The following RFX3 variants were observed in gnomAD, a reference collection of about 807,000 sequenced individuals.
RFX3 encodes the protein regulatory factor X3, also known as transcription factor RFX3.
Under a neutral mutation model 98.6 loss-of-function variants are expected in RFX3, and 14 were observed. That is an observed-to-expected ratio of 0.14 (90% CI 0.09 to 0.22). The LOEUF (loss-of-function observed/expected upper bound fraction) is 0.22, where lower values mean the gene tolerates loss of function less well. Ranked by LOEUF, RFX3 falls within the 10% of genes least tolerant of loss-of-function variation. The pLI is 1.00. For synonymous variants in RFX3, 383 were observed against 328.4 expected (o/e 1.17, Z -1.80); for missense variants, 639 against 926.9 (o/e 0.69, Z 4.03).
At chr9:3,394,377 G>A (rs377158251) in intron 2 of RFX3, among the ~76,000 whole-genome samples, 13 of 152,192 alleles carry the variant, frequency 8.5e-5, no homozygotes, top group African/African-American at 2.9e-4. Context: ...GCAGGAGAAT[G>A]GTGTGAACCC....
At chr9:3,261,595 G>C (rs900178015) in intron 13 of RFX3, among the ~76,000 whole-genome samples, 1 of 152,096 alleles carries the variant, frequency 6.6e-6, no homozygotes, top group African/African-American at 2.4e-5. Flanking sequence ...AATATAAATA[G>C]TGCTGTTATG....
At chr9:3,449,671 G>A (rs969896142) in intron 1 of RFX3, among the ~76,000 whole-genome samples, 3 of 152,092 alleles carry the variant, frequency 2.0e-5, no homozygotes, top group Non-Finnish European at 4.4e-5. Flanking sequence ...GGGCAACATG[G>A]CAAGACCTTG....
chr9:3,413,399 A>T (rs987561152), intron 1 of RFX3, among the ~76,000 whole-genome samples: 8 of 152,014 alleles, frequency 5.3e-5, no homozygotes, highest in African/African-American at 1.9e-4. Context: ...TTCATATGGG[A>T]GTTTAATATT....
chr9:3,453,050 C>A (rs1247668899), intron 1 of RFX3, among the ~76,000 whole-genome samples: 1 of 152,090 alleles, frequency 6.6e-6, no homozygotes, highest in East Asian at 1.9e-4. Context: ...TCTTCATCTG[C>A]AAAACTGGAA....
chr9:3,327,234 A>G (rs1832024103), intron 4 of RFX3, among the ~76,000 whole-genome samples: 1 of 152,100 alleles, frequency 6.6e-6, no homozygotes, highest in Admixed American at 6.6e-5. Flanking sequence ...AGTGAAAACA[A>G]TCAAAAATCT....
intron 1 of RFX3, among the ~76,000 whole-genome samples, chr9:3,410,008 C>T (rs1295040190): frequency 6.6e-6 from 1 of 152,116 alleles, no homozygotes; most frequent in African/African-American, 2.4e-5. Flanking sequence ...CTGACAGACG[C>T]GCAAAGTGCT....
chr9:3,289,901 G>C lies in RFX3; in HGVS notation c.732-1651C>G, dbSNP rs960820261. Among the ~76,000 whole-genome samples, 5 of 152,120 alleles carry C rather than the reference G, an allele frequency of 3.3e-5. No homozygotes were observed. The South Asian group carries it at 6.2e-4, about 19-fold the overall frequency. On this transcript the variant is annotated intron_variant, in intron 6 of 16. Transcript: ENST00000617270. ...AGTGGTTTCACCAGATTATTTTATT[G>C]ATAGATAATATTAATAATAGTTCTA... is the stretch of plus-strand genomic sequence containing the variant.
intron 14 of RFX3, among the ~76,000 whole-genome samples, chr9:3,253,322 G>A (rs2131047678): frequency 6.6e-6 from 1 of 152,282 alleles, no homozygotes; most frequent in Middle Eastern, 3.4e-3. Context: ...ATTCAAAAAA[G>A]AGTATTACTT....
At chr9:3,391,973 A>G (rs1006864636) in intron 2 of RFX3, among the ~76,000 whole-genome samples, 3 of 152,044 alleles carry the variant, frequency 2.0e-5, no homozygotes, top group Non-Finnish European at 4.4e-5. Context: ...TAAATACCCA[A>G]CTCTTTCCCC....
chr9:3,270,720 T>C (rs1824312076), intron 10 of RFX3, 195 bp from the exon 11 acceptor site: 5 of 669,250 alleles, frequency 7.5e-6, no homozygotes, highest in African/African-American at 5.5e-5. Flanking sequence ...GAGCTGTCTA[T>C]GCACATTTGT....
At chr9:3,284,778 C>T (rs1182818682) in intron 7 of RFX3, among the ~76,000 whole-genome samples, 2 of 151,720 alleles carry the variant, frequency 1.3e-5, no homozygotes, top group Non-Finnish European at 3.0e-5. Context: ...CTCTAATCTC[C>T]TTTATTTTAG....
At chr9:3,420,724 A>C in intron 1 of RFX3, 1 of 922,950 alleles carries the variant, frequency 1.1e-6, no homozygotes, top group Non-Finnish European at 1.3e-6. Context: ...TATTTCTATA[A>C]ACCCCTGTAT....
intron 1 of RFX3, chr9:3,420,947 G>C: frequency 1.0e-6 from 1 of 982,410 alleles, no homozygotes; most frequent in Non-Finnish European, 1.2e-6. Flanking sequence ...AAGTTCTGTG[G>C]CTACAACAGA....
chr9:3,343,659 A>G (rs1417213716), intron 3 of RFX3, among the ~76,000 whole-genome samples: 1 of 152,214 alleles, frequency 6.6e-6, no homozygotes, highest in Non-Finnish European at 1.5e-5. Context: ...TCATGGCAAC[A>G]CAATGACATT....
At chr9:3,243,169 G>A (rs1820188358) in intron 15 of RFX3, among the ~76,000 whole-genome samples, 1 of 151,710 alleles carries the variant, frequency 6.6e-6, no homozygotes, top group South Asian at 2.1e-4. Flanking sequence ...TTATTTAACA[G>A]GTATGTAAAC....
chr9:3,249,081 G>C (rs988248342), intron 14 of RFX3, among the ~76,000 whole-genome samples: 26 of 151,886 alleles, frequency 1.7e-4, no homozygotes, highest in Non-Finnish European at 2.9e-5. Flanking sequence ...TTCATTTACT[G>C]ACCTTTTTCT....
At chr9:3,488,687 A>C (rs555061489) in intron 1 of RFX3, 20 of 658,546 alleles carry the variant, frequency 3.0e-5, no homozygotes, top group Middle Eastern at 7.5e-4. Flanking sequence ...CTTAGACACA[A>C]AACTACTCAA....
At chr9:3,295,746 T>G (rs1344406554) in intron 5 of RFX3, among the ~76,000 whole-genome samples, 3 of 152,090 alleles carry the variant, frequency 2.0e-5, no homozygotes, top group African/African-American at 7.2e-5. Context: ...AACTCAATAT[T>G]GCTTCCTTTG....
intron 1 of RFX3, among the ~76,000 whole-genome samples, chr9:3,436,567 T>A (rs1340567273): frequency 6.6e-6 from 1 of 152,122 alleles, no homozygotes. Context: ...AGCAAAACAT[T>A]TGTCATCAAT....
Sources: gnomAD v4.1 joint callset for allele counts (sites outside exome capture counted in the v4.1 genomes callset) on GRCh38, gnomAD v4.1.1 for gene constraint, MANE v1.5 for transcripts, NCBI Gene and HGNC (gene_info 2026-07-23, HGNC 2026-07-21) for gene names.